SNAPC4: variants seen among roughly 807,000 people sequenced by gnomAD.
The protein encoded by SNAPC4 is snRNA-activating protein complex subunit 4.
Under a neutral mutation model 151.3 loss-of-function variants are expected in SNAPC4, and 127 were observed. That is an observed-to-expected ratio of 0.84 (90% CI 0.73 to 0.97). SNAPC4 has a LOEUF of 0.97. SNAPC4 is among the 50% of genes least tolerant of loss of function. SNAPC4 has a pLI of 0.00. For synonymous variants in SNAPC4, 1,002 were observed against 824.4 expected (o/e 1.22, Z -3.69); for missense variants, 2,186 against 1,935.0 (o/e 1.13, Z -2.43).
At chr9:136,386,068 C>T (rs1253677946) in intron 13 of SNAPC4, among the ~76,000 whole-genome samples, 1 of 151,904 alleles carries the variant, frequency 6.6e-6, no homozygotes, top group African/African-American at 2.4e-5. Context: ...TGACGAACTG[C>T]CATGCTTTCC....
At chr9:136,396,038 G>A (rs1164268283) in intron 3 of SNAPC4, among the ~76,000 whole-genome samples, 3 of 152,220 alleles carry the variant, frequency 2.0e-5, no homozygotes, top group Admixed American at 6.5e-5. Flanking sequence ...CCAGGGCTGC[G>A]GCTGCTGCAA....
At position 136,384,781 on chromosome 9, in the gene SNAPC4, CT is replaced by C; in HGVS notation, c.1358del (p.Lys453ArgfsTer6). ...CCTCTTCTTTTAAATTCCACCGACC[CT>C]TTTTCAAGCTGAAATGTAATCTCCT... The part of the protein sequence containing the change: ...YLRRLHFSLK[K>X]GRWNLKEEEQ... On this transcript the variant is annotated frameshift_variant, in exon 14 of 24. Coordinates refer to ENST00000684778, the MANE Select transcript of SNAPC4 (RefSeq NM_003086.4). LOFTEE classifies it high-confidence loss of function. 1 of 1,596,018 alleles carries C rather than the reference CT, an allele frequency of 6.3e-7. No homozygotes were observed. Among genetic ancestry groups the C allele is most frequent in the East Asian group, 2.2e-5 (1 of 44,468 alleles).
At position 136,383,784 on chromosome 9, in the gene SNAPC4, A is replaced by G. The variant is rs1179602220; in HGVS notation, c.1501-116T>C. ...AAGCGGGGGCGCCTCCGGGGTCAAG[A>G]GCAGCCGCTGCCGAGGCAGGGTCTC... On this transcript the variant is annotated intron_variant, in intron 15 of 23. Coordinates refer to ENST00000684778, the MANE Select transcript of SNAPC4 (RefSeq NM_003086.4). The surrounding 1 kb of genome is among the most constrained non-coding windows in gnomAD (Gnocchi z 4.2). 7.8e-6 allele frequency: 11 copies of G among 1,412,468 alleles called. No homozygotes were observed. In the Admixed American group the frequency reaches 1.2e-4, roughly 15 times the overall value. 87.5% of individuals were successfully genotyped at this position (1,412,468 alleles called of 1,614,324 possible). A position where few individuals can be genotyped will look rare whatever the true frequency, so the allele number is the denominator to read the frequency against.
In SNAPC4 at chr9:136,398,497, C is replaced by G. The variant is rs992752312; in HGVS notation, c.-9-60G>C. On this transcript the variant is annotated intron_variant, in intron 1 of 23. Transcript: ENST00000684778. Reference sequence around the variant, plus strand: ...CAAGACCGTGCCGGGATCCCATTCTCCTTCAGACACACCCGCCCATGGGGG... The same window carrying G: ...CAAGACCGTGCCGGGATCCCATTCTGCTTCAGACACACCCGCCCATGGGGG... The G allele has an allele frequency of 2.5e-6, 4 of 1,576,908 alleles. No individual in the cohort carries two copies. In the African/African-American group the frequency reaches 5.4e-5, roughly 21 times the overall value.
intron 20 of SNAPC4, 29 bp downstream of exon 20, chr9:136,380,711 C>T: frequency 7.7e-7 from 1 of 1,301,342 alleles, no homozygotes; most frequent in Non-Finnish European, 1.1e-6. Context: ...CAGTGGCCAT[C>T]CTCACTTCTC....
chr9:136,380,668 C>T (rs758222110), intron 20 of SNAPC4, 72 bp downstream of exon 20: 15 of 849,990 alleles, frequency 1.8e-5, no homozygotes, highest in Non-Finnish European at 2.5e-5. Context: ...GGCAGCCAGC[C>T]TCCGTGGAAA....
At position 136,383,315 on chromosome 9, in the gene SNAPC4, G is replaced by A. The variant is rs773177196; in HGVS notation, c.1854C>T (p.Ala618=). 6.2e-5 allele frequency: 100 copies of A among 1,611,716 alleles called. No individual in the cohort carries two copies. Among genetic ancestry groups the A allele is most frequent in the Non-Finnish European group, 8.0e-5 (94 of 1,179,582 alleles). Residue 618 remains alanine, a synonymous_variant, in exon 16 of 24, where the codon GCC becomes GCT. Transcript: ENST00000684778. This position sits in a 1 kb window ranked among gnomAD's most constrained non-coding sequence, Gnocchi z 4.2. ...QGGSKEASTT[A]AAPGEETSPV... ...GACTCGTCTCCTCTCCAGGAGCCGC[G>A]GCTGTGGTGGAAGCTTCCTTGCTGC...
chr9:136,394,574 G>C (rs1418059181), intron 6 of SNAPC4, among the ~76,000 whole-genome samples: 1 of 152,266 alleles, frequency 6.6e-6, no homozygotes, highest in African/African-American at 2.4e-5. Context: ...CTGAGCCAGA[G>C]GGTGGGGTGC....
rs962443135 is a variant in SNAPC4 at position 136,394,897 on chromosome 9, TCAC to T, written c.472-22_472-20del. On this transcript the variant is annotated intron_variant, in intron 5 of 23. Coordinates refer to ENST00000684778, the MANE Select transcript of SNAPC4 (RefSeq NM_003086.4). ...GTGGCCCCTGTCAGGGTGCACGGCA[TCAC>T]CACAAGCACAGGCCACATGTGCTCC... 22 of 1,611,494 alleles carry T rather than the reference TCAC, an allele frequency of 1.4e-5. No homozygotes were observed. The highest frequency in any genetic ancestry group is 1.6e-4 in the Middle Eastern group (1 of 6,076).
rs755370000 is a variant in SNAPC4 at position 136,387,621 on chromosome 9, A to G, written c.1231-42T>C. Reference sequence around the variant, plus strand: ...GCAGACAAGTGAAGCCTCTGCAGGTACGGCTGCAGCCTCCCCACCCTGAAC... The same window carrying G: ...GCAGACAAGTGAAGCCTCTGCAGGTGCGGCTGCAGCCTCCCCACCCTGAAC... On this transcript the variant is annotated intron_variant, in intron 12 of 23. Coordinates refer to ENST00000684778, the MANE Select transcript of SNAPC4 (RefSeq NM_003086.4). 4.3e-5 allele frequency: 64 copies of G among 1,486,238 alleles called. 1 individual carries two copies. Among genetic ancestry groups the G allele is most frequent in the Non-Finnish European group, 6.0e-5 (64 of 1,063,428 alleles). 92.1% of individuals were successfully genotyped at this position (1,486,238 alleles called of 1,614,324 possible). A position where few individuals can be genotyped will look rare whatever the true frequency, so the allele number is the denominator to read the frequency against.
At chr9:136,391,077 G>A (rs932036134) in intron 10 of SNAPC4, among the ~76,000 whole-genome samples, 2 of 152,148 alleles carry the variant, frequency 1.3e-5, no homozygotes, top group Non-Finnish European at 2.9e-5. Flanking sequence ...CAGGTGATCC[G>A]CCAGCCTCGG....
intron 6 of SNAPC4, 124 bp from the exon 7 acceptor site, chr9:136,394,454 G>A: frequency 1.2e-6 from 1 of 815,590 alleles, no homozygotes; most frequent in South Asian, 1.4e-5. Flanking sequence ...CAGCACGCCA[G>A]ACCTACTGAC....
At chr9:136,386,138 C>A (rs1056037626) in intron 13 of SNAPC4, among the ~76,000 whole-genome samples, 1 of 143,878 alleles carries the variant, frequency 7.0e-6, no homozygotes, top group Non-Finnish European at 1.5e-5. Flanking sequence ...TCCTTGCCAA[C>A]ACGGTGACTT....
At chr9:136,391,607 C>T (rs1011325561) in intron 10 of SNAPC4, among the ~76,000 whole-genome samples, 11 of 152,204 alleles carry the variant, frequency 7.2e-5, no homozygotes, top group African/African-American at 2.2e-4. Flanking sequence ...GAGGAAAAAG[C>T]GCTTTAGAAA....
chr9:136,387,395 T>C (rs78428995), intron 13 of SNAPC4, 90 bp downstream of exon 13: 367,194 of 911,368 alleles, frequency 0.4, 76,570 homozygotes, highest in Admixed American at 0.52. Context: ...CGCTGGCCGC[T>C]GTCCCCCAGC....
chr9:136,392,726 C>G lies in SNAPC4; in HGVS notation c.684G>C (p.Arg228Ser), dbSNP rs374842792. 1.1e-5 allele frequency: 17 copies of G among 1,613,726 alleles called. No individual in the cohort carries two copies. In the East Asian group the frequency reaches 3.8e-4, roughly 36 times the overall value. The change falls in exon 8 of 24, where the codon AGG becomes AGC. Residue 228 changes from arginine to serine, a missense_variant. By Grantham distance (110) the Arg-to-Ser change is moderately radical. Coordinates refer to ENST00000684778, the MANE Select transcript of SNAPC4 (RefSeq NM_003086.4). ...CCCTGCCCTGCTTCTCCAGGGCTTG[C>G]CTCTCCAGCTCACTGGAGACTTTGC... ...KQSKVSSELE[R>S]QALEKQGREA...
intron 8 of SNAPC4, 22 bp downstream of exon 8, chr9:136,392,651 C>A: frequency 6.2e-7 from 1 of 1,612,980 alleles, no homozygotes; most frequent in Non-Finnish European, 8.5e-7. Context: ...TCCCCTGGGC[C>A]CTCCCGGGAG....
At chr9:136,380,125 G>A (rs1833633728) in intron 20 of SNAPC4, among the ~76,000 whole-genome samples, 1 of 152,182 alleles carries the variant, frequency 6.6e-6, no homozygotes, top group African/African-American at 2.4e-5. Context: ...CTGCACCGGA[G>A]GCTCCTGAAC....
In SNAPC4 at chr9:136,388,531, G is replaced by A. The variant is rs773322939; in HGVS notation, c.1036C>T (p.Arg346Cys). ...KFQQHNKALKRKEWTEEEDRM... is the reference protein window; with the variant it reads ...KFQQHNKALKCKEWTEEEDRM... The stretch of plus-strand genomic sequence containing the variant: ...TCCTCCTCCTCTGTCCACTCCTTGC[G>A]TTTCAGAGCTTTGTTGTGCTGCTGG... The change falls in exon 11 of 24, where the codon CGC becomes TGC. Residue 346 changes from arginine to cysteine, a missense_variant. Physicochemically the swap from Arg to Cys is radical, Grantham distance 180. Coordinates refer to ENST00000684778, the MANE Select transcript of SNAPC4 (RefSeq NM_003086.4). 1.9e-6 allele frequency: 3 copies of A among 1,614,082 alleles called. No homozygotes were observed. Among genetic ancestry groups the A allele is most frequent in the South Asian group, 2.2e-5 (2 of 91,088 alleles).
Sources: gnomAD v4.1 joint callset for allele counts (sites outside exome capture counted in the v4.1 genomes callset) on GRCh38, gnomAD v4.1.1 for gene constraint, Gnocchi (gnomAD v3.1) non-coding constraint, MANE v1.5 for transcripts, NCBI Gene and HGNC (gene_info 2026-07-23, HGNC 2026-07-21) for gene names.